The following ASAH2 variants were observed in gnomAD, a reference collection of about 807,000 sequenced individuals.
ASAH2 encodes the protein N-acylsphingosine amidohydrolase 2, also known as neutral ceramidase.
A neutral mutation model predicts 82.9 loss-of-function variants in ASAH2; 58 were observed. That is an observed-to-expected ratio of 0.70 (90% CI 0.57 to 0.87). The LOEUF (loss-of-function observed/expected upper bound fraction) is 0.87. Among genes scored for constraint, ASAH2 ranks in the 40% least tolerant of loss-of-function variants. ASAH2 has a pLI of 0.00. For missense variants in ASAH2, 779 were observed against 834.0 expected, an observed-to-expected ratio of 0.93 and a Z score of 0.81; for synonymous variants, 276 against 289.7, an observed-to-expected ratio of 0.95 and a Z score of 0.48.
At chr10:50,193,477 A>T (rs1473703304) in intron 18 of ASAH2, among the ~76,000 whole-genome samples, 2 of 149,530 alleles carry the variant, frequency 1.3e-5, no homozygotes, top group East Asian at 4.1e-4. Flanking sequence ...TTGCATGCAT[A>T]TAAGGGAACT....
chr10:50,223,876 C>G (rs1845811078), intron 7 of ASAH2, among the ~76,000 whole-genome samples: 1 of 152,220 alleles, frequency 6.6e-6, no homozygotes, highest in South Asian at 2.1e-4. Flanking sequence ...GCCAATGAAG[C>G]CAAGGATTGA....
At chr10:50,223,749 G>A (rs958925103) in intron 7 of ASAH2, among the ~76,000 whole-genome samples, 1 of 152,114 alleles carries the variant, frequency 6.6e-6, no homozygotes, top group African/African-American at 2.4e-5. Flanking sequence ...CCGCATGTAG[G>A]CTCTAAATCC....
At position 50,225,671 on chromosome 10, in the gene ASAH2, CCA is replaced by C. The variant is rs1419708000; in HGVS notation, c.894-7043_894-7042del. Among the ~76,000 whole-genome samples, 6 of 152,084 alleles carry C rather than the reference CCA, an allele frequency of 3.9e-5. No individual in the cohort carries two copies. The South Asian group carries it at 1.2e-3, about 32-fold the overall frequency. On this transcript the variant is annotated intron_variant, in intron 7 of 20. Transcript: ENST00000682911. ...CAAGTTTGAGTAATGGGAGAGTAAA[CCA>C]ACAAAGGGGTGTTGGGCAATTTATA...
intron 16 of ASAH2, among the ~76,000 whole-genome samples, chr10:50,199,864 C>T (rs1433563529): frequency 6.6e-6 from 1 of 151,714 alleles, no homozygotes; most frequent in Non-Finnish European, 1.5e-5. Flanking sequence ...GTCTTACTTT[C>T]TCCTAAGGTA....
intron 8 of ASAH2, among the ~76,000 whole-genome samples, chr10:50,215,704 C>T (rs944596241): frequency 6.6e-6 from 1 of 152,062 alleles, no homozygotes; most frequent in African/African-American, 2.4e-5. Context: ...TTACTGTACC[C>T]TTGTAGTATA....
chr10:50,244,062 C>A (rs1159763044), intron 3 of ASAH2, among the ~76,000 whole-genome samples: 1 of 152,128 alleles, frequency 6.6e-6, no homozygotes, highest in Non-Finnish European at 1.5e-5. Flanking sequence ...GCTCAACAGG[C>A]AGCACAGCAG....
At chr10:50,209,984 T>C (rs1183277994) in intron 12 of ASAH2, among the ~76,000 whole-genome samples, 4 of 152,144 alleles carry the variant, frequency 2.6e-5, no homozygotes, top group Non-Finnish European at 5.9e-5. Flanking sequence ...TGGCAGCTTC[T>C]CAGATGATTA....
chr10:50,224,084 T>G (rs959034654), intron 7 of ASAH2, among the ~76,000 whole-genome samples: 1 of 152,180 alleles, frequency 6.6e-6, no homozygotes, highest in Non-Finnish European at 1.5e-5. Context: ...GAGGCTAATA[T>G]TGTGTTACAG....
chr10:50,224,454 C>T (rs1298160294), intron 7 of ASAH2, among the ~76,000 whole-genome samples: 1 of 152,028 alleles, frequency 6.6e-6, no homozygotes, highest in Non-Finnish European at 1.5e-5. Flanking sequence ...GTTCAACATT[C>T]GCAACACATG....
chr10:50,205,641 T>C (rs1046908709), intron 13 of ASAH2, among the ~76,000 whole-genome samples: 3 of 152,026 alleles, frequency 2.0e-5, no homozygotes, highest in African/African-American at 7.2e-5. Flanking sequence ...TTAGATGACC[T>C]GAAATATTTT....
At chr10:50,203,615 A>G in intron 15 of ASAH2, 25 bp downstream of exon 15, 1 of 1,602,452 alleles carries the variant, frequency 6.2e-7, no homozygotes, top group Non-Finnish European at 8.5e-7. Flanking sequence ...GAACATGTAG[A>G]TATGTTATTT....
chr10:50,218,396 G>A (rs1589337958), intron 8 of ASAH2, 114 bp downstream of exon 8: 1 of 1,436,220 alleles, frequency 7.0e-7, no homozygotes, highest in Non-Finnish European at 9.8e-7. Context: ...ATACCAATAT[G>A]TGAGATTGAT....
At chr10:50,210,565 C>T (rs974778392) in intron 12 of ASAH2, among the ~76,000 whole-genome samples, 1 of 151,526 alleles carries the variant, frequency 6.6e-6, no homozygotes, top group Non-Finnish European at 1.5e-5. Context: ...TGAAAGAAGC[C>T]AACAAAAAAT....
chr10:50,249,677 A>G (rs1213105394), intron 1 of ASAH2, among the ~76,000 whole-genome samples: 3 of 152,204 alleles, frequency 2.0e-5, no homozygotes, highest in Admixed American at 6.5e-5. Context: ...AAGCAACAGT[A>G]CTTCTTTTGT....
At chr10:50,202,166 A>G (rs1269652867) in intron 16 of ASAH2, among the ~76,000 whole-genome samples, 3 of 152,088 alleles carry the variant, frequency 2.0e-5, no homozygotes, top group Non-Finnish European at 4.4e-5. Context: ...GTATCACTGA[A>G]TATTTACCAA....
intron 16 of ASAH2, among the ~76,000 whole-genome samples, 167 bp from the exon 17 acceptor site, chr10:50,199,313 G>T (rs1845079187): frequency 6.6e-6 from 1 of 151,866 alleles, no homozygotes; most frequent in Non-Finnish European, 1.5e-5. Flanking sequence ...CCATTTACTG[G>T]CCAAGGTAAG....
chr10:50,245,950 C>G (rs117584290), intron 2 of ASAH2, among the ~76,000 whole-genome samples: 2 of 152,280 alleles, frequency 1.3e-5, no homozygotes, highest in East Asian at 3.9e-4. Flanking sequence ...CTGGCTCTAC[C>G]TTGGCTCTGA....
At chr10:50,246,486 A>G (rs1206943932) in intron 2 of ASAH2, among the ~76,000 whole-genome samples, 1 of 152,238 alleles carries the variant, frequency 6.6e-6, no homozygotes, top group Non-Finnish European at 1.5e-5. Flanking sequence ...TATCAGTGTC[A>G]CAAGGCATTT....
At position 50,234,093 on chromosome 10, in the gene ASAH2, T is replaced by G. The variant is rs1408084023; in HGVS notation, c.815+332A>C. 3.3e-5 allele frequency among the ~76,000 whole-genome samples: 5 copies of G among 152,194 alleles called. No individual in the cohort carries two copies. In the East Asian group the frequency reaches 9.7e-4, roughly 29 times the overall value. ...GAAGCTGAGAGACAATAAATTAAGA[T>G]AAGTAAATCACTAAAGGTCACATTG... On this transcript the variant is annotated intron_variant, in intron 6 of 20. Transcript: ENST00000682911.
Sources: allele counts gnomAD v4.1 joint callset (sites outside exome capture counted in the v4.1 genomes callset), GRCh38; gene constraint gnomAD v4.1.1; transcripts MANE v1.5; gene names NCBI Gene and HGNC (gene_info 2026-07-23, HGNC 2026-07-21).